Variants in PACRG observed in about 807,000 individuals in gnomAD.
PACRG encodes parkin coregulated.
PACRG carries 29 observed loss-of-function variants against 29.7 expected under a neutral mutation model. That is an observed-to-expected ratio of 0.98 (90% CI 0.73 to 1.33). The LOEUF (loss-of-function observed/expected upper bound fraction) is 1.33, where lower values mean the gene tolerates loss of function less well. Among genes scored for constraint, PACRG ranks in the 40% most tolerant of loss-of-function variants. The pLI is 0.00. For missense variants in PACRG, 279 were observed against 316.2 expected, an observed-to-expected ratio of 0.88 and a Z score of 0.89; for synonymous variants, 116 against 118.7, an observed-to-expected ratio of 0.98 and a Z score of 0.15.
At chr6:163,084,087 G>A (rs1277682039) in intron 3 of PACRG, among the ~76,000 whole-genome samples, 1 of 152,106 alleles carries the variant, frequency 6.6e-6, no homozygotes, top group Non-Finnish European at 1.5e-5. Flanking sequence ...CCAGTAAGCA[G>A]TACAATAGAA....
rs1782260976 is a variant in PACRG at position 163,236,896 on chromosome 6, A to G, written c.614-77931A>G. On this transcript the variant is annotated intron_variant, in intron 4 of 4. Transcript: ENST00000366888. ...GCTGAAGGAGAAGCCAGCTCATCTT[A>G]CATGGCTTGAGCAGGAGGGAGAGAG... Among the ~76,000 whole-genome samples, 5 of 152,312 alleles carry G rather than the reference A, an allele frequency of 3.3e-5. No homozygotes were observed. In the South Asian group the frequency reaches 1.0e-3, roughly 32 times the overall value.
chr6:162,800,881 A>G lies in PACRG; in HGVS notation c.157-13266A>G, dbSNP rs1785797227. 3.3e-5 allele frequency among the ~76,000 whole-genome samples: 5 copies of G among 152,240 alleles called. No homozygotes were observed. In the South Asian group the frequency reaches 1.0e-3, roughly 32 times the overall value. On this transcript the variant is annotated intron_variant, in intron 1 of 4. Transcript: ENST00000366888. ...GCTCACTCAACATGTTAAGTTAGAA[A>G]GGTGTAGAAGGAATCGTAGAGGTCA... is the stretch of plus-strand genomic sequence containing the variant.
chr6:163,025,048 A>G (rs1358442558), intron 2 of PACRG, among the ~76,000 whole-genome samples: 1 of 152,212 alleles, frequency 6.6e-6, no homozygotes. Context: ...CTCCATGATA[A>G]AAACCTTCAA....
intron 4 of PACRG, among the ~76,000 whole-genome samples, chr6:163,298,401 A>G (rs1438153327): frequency 6.6e-6 from 1 of 152,322 alleles, no homozygotes; most frequent in Non-Finnish European, 1.5e-5. Flanking sequence ...CTAACACCCA[A>G]TGCTGTGATA....
intron 4 of PACRG, among the ~76,000 whole-genome samples, chr6:163,108,782 C>T (rs943076847): frequency 1.3e-5 from 2 of 152,170 alleles, no homozygotes; most frequent in African/African-American, 4.8e-5. Context: ...AGACTAATAA[C>T]ACTGTCCATA....
intron 2 of PACRG, among the ~76,000 whole-genome samples, chr6:162,934,269 A>AAAAT (rs1554308449): frequency 6.6e-6 from 1 of 151,682 alleles, no homozygotes; most frequent in East Asian, 1.9e-4. Context: ...TCAAAAAAAA[A>AAAAT]AAATAAATAA....
chr6:163,030,847 G>A (rs551984115), intron 2 of PACRG, among the ~76,000 whole-genome samples: 19 of 152,258 alleles, frequency 1.2e-4, no homozygotes, highest in African/African-American at 4.1e-4. Flanking sequence ...CACTTTCATC[G>A]CCATCTTGGT....
intron 2 of PACRG, among the ~76,000 whole-genome samples, chr6:162,880,491 T>C (rs1330881320): frequency 6.6e-6 from 1 of 152,198 alleles, no homozygotes; most frequent in African/African-American, 2.4e-5. Flanking sequence ...TGCAGAAGAA[T>C]GAGTTCCTTG....
At chr6:163,247,377 A>G (rs1782735611) in intron 4 of PACRG, among the ~76,000 whole-genome samples, 1 of 152,172 alleles carries the variant, frequency 6.6e-6, no homozygotes, top group Admixed American at 6.5e-5. Context: ...ACTCCCTTAG[A>G]AAAATAGGTA....
intron 2 of PACRG, among the ~76,000 whole-genome samples, chr6:162,994,920 GT>G (rs1488076791): frequency 1.4e-5 from 2 of 147,956 alleles, no homozygotes; most frequent in Non-Finnish European, 3.0e-5. Flanking sequence ...TGGGTTTTCG[GT>G]GTGGATGTCC....
chr6:162,885,767 T>A (rs1794284553), intron 2 of PACRG, among the ~76,000 whole-genome samples: 1 of 151,734 alleles, frequency 6.6e-6, no homozygotes, highest in East Asian at 1.9e-4. Context: ...CGTGCACACG[T>A]GCATGTGTGT....
At chr6:163,212,863 A>C (rs753184393) in intron 4 of PACRG, among the ~76,000 whole-genome samples, 64 of 151,372 alleles carry the variant, frequency 4.2e-4, no homozygotes, top group East Asian at 2.0e-3. Context: ...ACTGCAAGCT[A>C]TGCCTCCCAG....
At chr6:163,249,811 T>C (rs1425666049) in intron 4 of PACRG, among the ~76,000 whole-genome samples, 1 of 152,188 alleles carries the variant, frequency 6.6e-6, no homozygotes, top group African/African-American at 2.4e-5. Flanking sequence ...CAAACTGAAG[T>C]TTGAGTCAGA....
chr6:162,944,419 G>A (rs1584821686), intron 2 of PACRG, among the ~76,000 whole-genome samples: 1 of 151,972 alleles, frequency 6.6e-6, no homozygotes, highest in East Asian at 1.9e-4. Context: ...TAAAAAAGTG[G>A]GGAACTATGA....
At chr6:163,032,205 A>G (rs1415306268) in intron 2 of PACRG, among the ~76,000 whole-genome samples, 1 of 152,246 alleles carries the variant, frequency 6.6e-6, no homozygotes, top group African/African-American at 2.4e-5. Context: ...TGACTCTGAA[A>G]AGCAAAACAA....
intron 4 of PACRG, among the ~76,000 whole-genome samples, chr6:163,151,779 T>C (rs1439526387): frequency 6.6e-6 from 1 of 152,224 alleles, no homozygotes; most frequent in Non-Finnish European, 1.5e-5. Context: ...GCCTTAATTT[T>C]TTAACGGAAC....
chr6:163,236,112 T>C (rs1445249218), intron 4 of PACRG, among the ~76,000 whole-genome samples: 2 of 143,740 alleles, frequency 1.4e-5, no homozygotes, highest in Non-Finnish European at 3.0e-5. Flanking sequence ...CTTTGAAAGA[T>C]GGTGGGATAT....
intron 2 of PACRG, among the ~76,000 whole-genome samples, chr6:163,006,870 TG>T (rs1291926043): frequency 2.0e-5 from 3 of 152,048 alleles, no homozygotes; most frequent in Non-Finnish European, 1.5e-5. Flanking sequence ...CTTATAATGT[TG>T]GCTTCTCTTT....
chr6:163,163,814 T>G (rs1007071353), intron 4 of PACRG, among the ~76,000 whole-genome samples: 1 of 152,210 alleles, frequency 6.6e-6, no homozygotes, highest in African/African-American at 2.4e-5. Context: ...TATAATAACT[T>G]TTATTGTAAA....
Sources: allele counts gnomAD v4.1 joint callset (sites outside exome capture counted in the v4.1 genomes callset), GRCh38; gene constraint gnomAD v4.1.1; transcripts MANE v1.5; gene names NCBI Gene and HGNC (gene_info 2026-07-23, HGNC 2026-07-21).